The following NAALADL2 variants were observed in gnomAD, a reference collection of about 807,000 sequenced individuals.
NAALADL2 encodes N-acetylated alpha-linked acidic dipeptidase like 2, also known as inactive N-acetylated-alpha-linked acidic dipeptidase-like protein 2.
NAALADL2 carries 76 observed loss-of-function variants against 87.2 expected under a neutral mutation model. That is an observed-to-expected ratio of 0.87 (90% CI 0.72 to 1.05). The LOEUF (loss-of-function observed/expected upper bound fraction) is 1.05, where lower values mean the gene tolerates loss of function less well. NAALADL2 is among the 50% of genes least tolerant of loss of function. The probability of loss-of-function intolerance (pLI) is 0.00; values close to 1 mark genes in which losing one functional copy is unlikely to be tolerated. For synonymous variants in NAALADL2, 354 were observed against 331.0 expected (o/e 1.07, Z -0.75); for missense variants, 1,089 against 945.8 (o/e 1.15, Z -1.99).
chr3:174,709,357 G>T (rs1469103335), intron 2 of NAALADL2, among the ~76,000 whole-genome samples: 1 of 152,042 alleles, frequency 6.6e-6, no homozygotes, highest in Non-Finnish European at 1.5e-5. Context: ...TCCACTGCTA[G>T]CTCTTAATTC....
chr3:175,527,163 G>T (rs536931677), intron 9 of NAALADL2, among the ~76,000 whole-genome samples: 1 of 152,146 alleles, frequency 6.6e-6, no homozygotes, highest in South Asian at 2.1e-4. Context: ...GGAAATTTGG[G>T]TTTGGATTGG....
chr3:175,432,447 C>T (rs930820169), intron 5 of NAALADL2, among the ~76,000 whole-genome samples: 1 of 151,952 alleles, frequency 6.6e-6, no homozygotes, highest in Admixed American at 6.6e-5. Context: ...CCAGTACTTA[C>T]TCAGTTTTCT....
chr3:174,906,340 C>A (rs1353493057), intron 1 of NAALADL2, among the ~76,000 whole-genome samples: 3 of 152,062 alleles, frequency 2.0e-5, no homozygotes, highest in East Asian at 1.9e-4. Context: ...CTTTGGAATA[C>A]CCCTGCCTTG....
At position 175,352,689 on chromosome 3, in the gene NAALADL2, T is replaced by C. The variant is rs556953596; in HGVS notation, c.1090+28364T>C. Among the ~76,000 whole-genome samples the C allele has an allele frequency of 2.0e-5, 3 of 152,280 alleles. No homozygotes were observed. In the East Asian group the frequency reaches 5.8e-4, roughly 29 times the overall value. On this transcript the variant is annotated intron_variant, in intron 5 of 13. Coordinates refer to ENST00000454872, the MANE Select transcript of NAALADL2 (RefSeq NM_207015.3). ...CAAAGGTGTGAAGCTCAGTGTTTGT[T>C]TCTGGACTAAGAGGGAGCAGAGAGA...
At chr3:174,780,168 C>A (rs933393937) in intron 3 of NAALADL2, among the ~76,000 whole-genome samples, 3 of 152,116 alleles carry the variant, frequency 2.0e-5, no homozygotes, top group African/African-American at 2.4e-5. Context: ...TTGTAAATCT[C>A]CTTGAAGAAG....
chr3:174,934,008 A>G (rs1737296769), intron 1 of NAALADL2, among the ~76,000 whole-genome samples: 1 of 152,218 alleles, frequency 6.6e-6, no homozygotes, highest in African/African-American at 2.4e-5. Context: ...TATGATAAAT[A>G]TACATATTAA....
At chr3:174,995,014 T>G (rs1207615116) in intron 1 of NAALADL2, among the ~76,000 whole-genome samples, 2 of 152,122 alleles carry the variant, frequency 1.3e-5, no homozygotes, top group Non-Finnish European at 2.9e-5. Context: ...CTTTGCCTAT[T>G]AGTGCTTCAG....
At chr3:175,155,778 C>A (rs901260334) in intron 2 of NAALADL2, among the ~76,000 whole-genome samples, 1 of 152,082 alleles carries the variant, frequency 6.6e-6, no homozygotes, top group African/African-American at 2.4e-5. Flanking sequence ...AGAGACAGAT[C>A]TTTGGGCCTC....
chr3:174,762,936 A>G (rs1208232681), intron 3 of NAALADL2, among the ~76,000 whole-genome samples: 1 of 152,214 alleles, frequency 6.6e-6, no homozygotes, highest in East Asian at 1.9e-4. Context: ...AATTTACAAC[A>G]TAATATGTAT....
intron 1 of NAALADL2, among the ~76,000 whole-genome samples, chr3:174,962,747 GTGTT>G (rs1355766025): frequency 2.0e-5 from 3 of 152,016 alleles, no homozygotes; most frequent in Non-Finnish European, 4.4e-5. Flanking sequence ...GATTTGAAGA[GTGTT>G]TGTTTCATTG....
intron 9 of NAALADL2, among the ~76,000 whole-genome samples, chr3:175,568,327 T>A (rs907053231): frequency 3.9e-5 from 6 of 152,114 alleles, no homozygotes; most frequent in African/African-American, 1.4e-4. Flanking sequence ...GTTAAATAAA[T>A]GAAGAATACA....
At chr3:174,824,206 A>G (rs1721737626) in intron 3 of NAALADL2, among the ~76,000 whole-genome samples, 1 of 152,204 alleles carries the variant, frequency 6.6e-6, no homozygotes, top group African/African-American at 2.4e-5. Context: ...CATTAAAATT[A>G]TAACTGGAAA....
At chr3:175,639,208 G>A (rs896288625) in intron 11 of NAALADL2, among the ~76,000 whole-genome samples, 9 of 151,918 alleles carry the variant, frequency 5.9e-5, no homozygotes, top group African/African-American at 1.9e-4. Flanking sequence ...CCTTCAGGGA[G>A]CTTCTCTAGC....
chr3:175,521,539 A>G (rs1732661658), intron 9 of NAALADL2, among the ~76,000 whole-genome samples: 1 of 152,108 alleles, frequency 6.6e-6, no homozygotes, highest in Non-Finnish European at 1.5e-5. Context: ...GTACTGATGG[A>G]TGTTACTTTA....
At chr3:174,870,076 G>A (rs931108237) in intron 1 of NAALADL2, among the ~76,000 whole-genome samples, 1 of 150,868 alleles carries the variant, frequency 6.6e-6, no homozygotes, top group Non-Finnish European at 1.5e-5. Flanking sequence ...TGAGTTTGTG[G>A]GTGTGTGTGT....
chr3:174,698,619 C>G lies in NAALADL2; in HGVS notation c.-114-39022C>G, dbSNP rs2108874507. 2.1e-5 allele frequency among the ~76,000 whole-genome samples: 2 copies of G among 95,882 alleles called. 1 individual carries two copies. Among genetic ancestry groups the G allele is most frequent in the Middle Eastern group, 9.0e-3 (2 of 222 alleles). The allele number at this position is 95,882 out of a possible 152,430, so 62.9% of individuals were successfully genotyped here. On this transcript the variant is annotated intron_variant, in intron 2 of 3. Coordinates refer to the NAALADL2 transcript ENST00000434257. ...GTGGCTCACGCCTGTAATCCCAGCA[C>G]TTTGGGAGGCCGAGGCGGGCAGATC... is the stretch of plus-strand genomic sequence containing the variant.
At chr3:174,917,386 C>T (rs531277151) in intron 1 of NAALADL2, among the ~76,000 whole-genome samples, 27 of 152,154 alleles carry the variant, frequency 1.8e-4, no homozygotes, top group African/African-American at 5.8e-4. Context: ...TGCTTGGTCA[C>T]GACTTTAATT....
chr3:175,037,253 C>T (rs1462731255), intron 1 of NAALADL2, among the ~76,000 whole-genome samples: 1 of 152,146 alleles, frequency 6.6e-6, no homozygotes, highest in African/African-American at 2.4e-5. Context: ...GACTAAGTCA[C>T]ATGAGTATTA....
intron 5 of NAALADL2, among the ~76,000 whole-genome samples, chr3:175,341,607 G>A (rs1762576771): frequency 6.6e-6 from 1 of 152,042 alleles, no homozygotes; most frequent in South Asian, 2.1e-4. Flanking sequence ...AGGATGCACT[G>A]TTTAAAATTC....
Sources: gnomAD v4.1 joint callset for allele counts (sites outside exome capture counted in the v4.1 genomes callset) on GRCh38, gnomAD v4.1.1 for gene constraint, MANE v1.5 for transcripts, NCBI Gene and HGNC (gene_info 2026-07-23, HGNC 2026-07-21) for gene names.